Variants in SLC9B2 observed in about 807,000 individuals in gnomAD.
SLC9B2 encodes sodium/hydrogen exchanger 9B2.
A neutral mutation model predicts 52.2 loss-of-function variants in SLC9B2; 39 were observed. The ratio of observed to expected loss-of-function variants is 0.75; its 90% CI spans 0.58 to 0.98. The LOEUF is 0.98. SLC9B2 is among the 50% of genes least tolerant of loss of function. The pLI, the probability that SLC9B2 is intolerant of heterozygous loss-of-function variation, is 0.00. For missense variants in SLC9B2, 626 were observed against 637.5 expected (o/e 0.98, Z 0.19); for synonymous variants, 214 against 227.0 (o/e 0.94, Z 0.51).
rs577678863 is a variant in SLC9B2 at position 103,031,860 on chromosome 4, G to A, written c.1147-52C>T. The A allele has an allele frequency of 9.8e-6, 15 of 1,525,562 alleles. No homozygotes were observed. In the South Asian group the frequency reaches 1.6e-4, roughly 16 times the overall value. The allele number at this position is 1,525,562 out of a possible 1,614,324, so 94.5% of individuals were successfully genotyped here. A position where few individuals can be genotyped will look rare whatever the true frequency, so the allele number is the denominator to read the frequency against. ...ATTTTTATTATGTGAAGTTACAAAT[G>A]CAAAGAATTTTATTAATTTGAGGTT... On this transcript the variant is annotated intron_variant, in intron 9 of 11. Coordinates refer to ENST00000394785, the MANE Select transcript of SLC9B2 (RefSeq NM_178833.7).
chr4:103,021,445 C>T (rs557641583), downstream of SLC9B2, among the ~76,000 whole-genome samples: 11 of 151,704 alleles, frequency 7.3e-5, no homozygotes, highest in Admixed American at 4.6e-4. Flanking sequence ...TAAAAAAATA[C>T]AGTGGTTCTT....
Position 103,043,311 on chromosome 4 carries a change from T to C in SLC9B2, c.1131A>G (p.Gly377=). 6.2e-7 allele frequency: 1 copy of C among 1,610,492 alleles called. No individual in the cohort carries two copies. The highest frequency in any genetic ancestry group is 1.3e-5 in the African/African-American group (1 of 74,894). ...TLVMAFLAGM[G]WTSEKAEVEK... is the part of the protein sequence containing the mutation. The stretch of plus-strand genomic sequence containing the variant: ...TGAAATTCACCTTTTCGCTGGTCCA[T>C]CCCATGCCTGCAAGGAAAGCCATGA... Residue 377 remains glycine (G), a synonymous_variant, in exon 9 of 12, where the codon GGA becomes GGG. Transcript: ENST00000394785.
At chr4:103,050,856 T>C (rs1744615144) in intron 4 of SLC9B2, among the ~76,000 whole-genome samples, 1 of 152,208 alleles carries the variant, frequency 6.6e-6, no homozygotes, top group African/African-American at 2.4e-5. Flanking sequence ...TAGATGTCAA[T>C]TATGATGAAA....
intron 4 of SLC9B2, among the ~76,000 whole-genome samples, chr4:103,053,420 T>C (rs1744860584): frequency 6.6e-6 from 1 of 152,226 alleles, no homozygotes; most frequent in African/African-American, 2.4e-5. Context: ...AATACATATA[T>C]AATTTTTGAG....
chr4:103,020,133 C>G, downstream of SLC9B2: 1 of 253,836 alleles, frequency 3.9e-6, no homozygotes, highest in Admixed American at 5.4e-5. Context: ...GTCTTCTCAT[C>G]TGTAAAGGAC....
intron 9 of SLC9B2, among the ~76,000 whole-genome samples, chr4:103,035,138 C>A (rs1049745086): frequency 6.6e-6 from 1 of 152,164 alleles, no homozygotes; most frequent in Non-Finnish European, 1.5e-5. Context: ...CCTCCTCCCA[C>A]CCTCCACCCT....
At position 103,067,592 on chromosome 4, in the gene SLC9B2, T is replaced by C. The variant is rs1396879257; in HGVS notation, c.-42A>G. The C allele has an allele frequency of 6.8e-7, 1 of 1,461,806 alleles. No homozygotes were observed. The highest frequency in any genetic ancestry group is 1.1e-5 in the South Asian group (1 of 87,936). The allele number at this position is 1,461,806 out of a possible 1,614,324, so 90.6% of individuals were successfully genotyped here. ...GATGACACAGGGAAGAGGAACGAGA[T>C]CTGTTTTGAAAGAGTATAGATATAG... On this transcript the variant is annotated splice_region_variant and 5_prime_UTR_variant, in exon 2 of 12. Coordinates refer to ENST00000394785, the MANE Select transcript of SLC9B2 (RefSeq NM_178833.7).
chr4:103,035,228 C>T (rs1010783946), intron 9 of SLC9B2, among the ~76,000 whole-genome samples: 2 of 152,044 alleles, frequency 1.3e-5, no homozygotes, highest in Admixed American at 6.6e-5. Flanking sequence ...TAAGTGAAAA[C>T]GTGGTATTTG....
intron 3 of SLC9B2, among the ~76,000 whole-genome samples, chr4:103,064,893 A>C (rs1745975213): frequency 6.6e-6 from 1 of 152,132 alleles, no homozygotes; most frequent in Admixed American, 6.6e-5. Context: ...AAAGTGAAAA[A>C]TTGTGGATAG....
intron 9 of SLC9B2, among the ~76,000 whole-genome samples, chr4:103,036,347 G>T (rs1384879918): frequency 6.6e-6 from 1 of 152,142 alleles, no homozygotes. Context: ...ACAAAGAAGG[G>T]CATGATAAAC....
chr4:103,046,238 C>T (rs911767756), intron 7 of SLC9B2, among the ~76,000 whole-genome samples: 1 of 152,140 alleles, frequency 6.6e-6, no homozygotes, highest in Non-Finnish European at 1.5e-5. Flanking sequence ...ACTTAGATTA[C>T]AATTATACTT....
chr4:103,045,212 A>G lies in SLC9B2; in HGVS notation c.890-216T>C, dbSNP rs561679877. Among the ~76,000 whole-genome samples the G allele has an allele frequency of 8.5e-5, 13 of 152,304 alleles. No individual in the cohort carries two copies. In the South Asian group the frequency reaches 2.5e-3, roughly 29 times the overall value. On this transcript the variant is annotated intron_variant, in intron 7 of 11. Transcript: ENST00000394785. ...TAATTAAAAAAAATTTTTTGTTAGC[A>G]CATTGTGCAGAAAATTATATTAAAG...
intron 9 of SLC9B2, among the ~76,000 whole-genome samples, chr4:103,039,375 A>AT (rs1390883858): frequency 6.6e-6 from 1 of 152,204 alleles, no homozygotes; most frequent in Non-Finnish European, 1.5e-5. Context: ...GGGAAGTTAG[A>AT]TAACTTGCAC....
chr4:103,029,224 T>TA (rs1387107791), intron 10 of SLC9B2, among the ~76,000 whole-genome samples: 1 of 152,156 alleles, frequency 6.6e-6, no homozygotes, highest in Non-Finnish European at 1.5e-5. Flanking sequence ...GATTAAATGA[T>TA]AAGTAATAAG....
intron 9 of SLC9B2, among the ~76,000 whole-genome samples, chr4:103,042,803 CTAT>C (rs1384929354): frequency 2.6e-5 from 4 of 151,262 alleles, no homozygotes; most frequent in African/African-American, 7.3e-5. Context: ...AAAATATATA[CTAT>C]ATTTTATTTA....
At position 103,074,531 on chromosome 4, in the gene SLC9B2, A is replaced by G. The variant is rs116074774; in HGVS notation, c.-43+1653T>C. ...ATCATAGACAATGAATGATCAGAAC[A>G]CTGCCTTTGTATTGAAATTTCTCAA... On this transcript the variant is annotated intron_variant, in intron 1 of 11. Transcript: ENST00000394785. Among the ~76,000 whole-genome samples the G allele has an allele frequency of 5.2e-3, 794 of 152,344 alleles. 9 individuals are homozygous for G. Among genetic ancestry groups the G allele is most frequent in the African/African-American group, 0.018 (754 of 41,574 alleles).
At chr4:103,069,984 AAT>A (rs1746471742) in intron 1 of SLC9B2, among the ~76,000 whole-genome samples, 1 of 152,220 alleles carries the variant, frequency 6.6e-6, no homozygotes, top group South Asian at 2.1e-4. Flanking sequence ...CATCTGTGGG[AAT>A]TTATATAATT....
chr4:103,031,130 G>C (rs1304664703), intron 10 of SLC9B2, among the ~76,000 whole-genome samples: 2 of 152,146 alleles, frequency 1.3e-5, no homozygotes, highest in Admixed American at 1.3e-4. Context: ...AGAAGGAGTA[G>C]CGGGAGATGG....
At chr4:103,037,859 A>C (rs909339438) in intron 9 of SLC9B2, among the ~76,000 whole-genome samples, 2 of 151,778 alleles carry the variant, frequency 1.3e-5, no homozygotes, top group African/African-American at 4.9e-5. Context: ...AGCTAAAGGT[A>C]AGACTTTTTT....
Sources: allele counts gnomAD v4.1 joint callset (sites outside exome capture counted in the v4.1 genomes callset), GRCh38; gene constraint gnomAD v4.1.1; transcripts MANE v1.5; gene names NCBI Gene and HGNC (gene_info 2026-07-23, HGNC 2026-07-21).